DCP1B: variants seen among roughly 807,000 people sequenced by gnomAD.
DCP1B encodes mRNA-decapping enzyme 1B.
Under a neutral mutation model 60.5 loss-of-function variants are expected in DCP1B, and 47 were observed. That is an observed-to-expected ratio of 0.78 (90% confidence interval 0.61 to 0.99). DCP1B has a LOEUF of 0.99. Ranked by LOEUF, DCP1B falls within the 50% of genes least tolerant of loss-of-function variation. The probability of loss-of-function intolerance (pLI) is 0.00; values close to 1 mark genes in which losing one functional copy is unlikely to be tolerated. For synonymous variants in DCP1B, 267 were observed against 280.3 expected (o/e 0.95, Z 0.47); for missense variants, 725 against 756.8 (o/e 0.96, Z 0.49).
rs750629227 is a variant in DCP1B, at chr12:2,004,353, A to C, written c.79T>G (p.Tyr27Asp). The C allele has an allele frequency of 5.6e-6, 9 of 1,613,306 alleles. No individual in the cohort carries two copies. The highest frequency in any genetic ancestry group is 7.6e-6 in the Non-Finnish European group (9 of 1,179,932). Residue 27 changes from tyrosine (Y) to aspartate (D), a missense_variant, in exon 1 of 9, where the codon TAT becomes GAT. Coordinates refer to ENST00000280665, the MANE Select transcript of DCP1B (RefSeq NM_152640.5). Reference sequence around the variant, plus strand: ...GCCACGTCCACGATGCGGTTGATATAGGGGTCGTGGCGCTGCAGGGCCGCT... The same window carrying C: ...GCCACGTCCACGATGCGGTTGATATCGGGGTCGTGGCGCTGCAGGGCCGCT... ...SLAALQRHDPYINRIVDVASQ... is the reference protein window; with the variant it reads ...SLAALQRHDPDINRIVDVASQ...
chr12:1,946,586 T>A (rs1423707967), intron 8 of DCP1B, among the ~76,000 whole-genome samples: 2 of 152,184 alleles, frequency 1.3e-5, no homozygotes, highest in Admixed American at 1.3e-4. Flanking sequence ...ACAGCCTGGG[T>A]CTGCTGCATG....
chr12:1,959,959 C>CA (rs34121456), intron 5 of DCP1B, among the ~76,000 whole-genome samples: 5,831 of 125,624 alleles, frequency 0.046, 117 homozygotes, highest in South Asian at 0.076. Flanking sequence ...GACTCCGTCT[C>CA]AAAAAAAAAA....
At chr12:1,996,928 C>T (rs1307427425) in intron 2 of DCP1B, among the ~76,000 whole-genome samples, 1 of 152,028 alleles carries the variant, frequency 6.6e-6, no homozygotes, top group Non-Finnish European at 1.5e-5. Flanking sequence ...AAACAGATAC[C>T]CCTAGAAAGG....
intron 3 of DCP1B, among the ~76,000 whole-genome samples, chr12:1,972,367 G>C (rs946548504): frequency 2.0e-5 from 3 of 152,082 alleles, no homozygotes; most frequent in African/African-American, 7.2e-5. Flanking sequence ...ATTTACTATA[G>C]CATTTATCTA....
intron 3 of DCP1B, among the ~76,000 whole-genome samples, chr12:1,990,087 TTAAGG>T (rs1310043591): frequency 6.6e-6 from 1 of 152,246 alleles, no homozygotes; most frequent in Non-Finnish European, 1.5e-5. Flanking sequence ...GGTCTCGAAG[TTAAGG>T]TTTCTTGGTT....
chr12:1,998,054 T>C (rs2041351576), intron 1 of DCP1B, 79 bp from the exon 2 acceptor site: 5 of 1,314,924 alleles, frequency 3.8e-6, no homozygotes, highest in Non-Finnish European at 5.3e-6. Context: ...TCTCATAGAA[T>C]AGGAATTATA....
rs2031388342 is a variant in DCP1B at position 1,967,881 on chromosome 12, TATC to T, written c.346_348del (p.Asp116del). 2 of 1,613,154 alleles carry T rather than the reference TATC, an allele frequency of 1.2e-6. No individual in the cohort carries two copies. The highest frequency in any genetic ancestry group is 1.7e-6 in the Non-Finnish European group (2 of 1,179,762). On this transcript the variant is annotated inframe_deletion, in exon 4 of 9. Coordinates refer to ENST00000280665, the MANE Select transcript of DCP1B (RefSeq NM_152640.5). ...TCTGCAATTCTTTGGCATTCTTCCTTATCATAAAACCAAATTCCATAGATGGAC... is the reference window on the plus strand; with the variant it reads ...TCTGCAATTCTTTGGCATTCTTCCTTATAAAACCAAATTCCATAGATGGAC...
At chr12:1,991,897 C>T in intron 3 of DCP1B, 1 of 162,994 alleles carries the variant, frequency 6.1e-6, no homozygotes, top group Non-Finnish European at 1.3e-5. Flanking sequence ...ATAAAAGCAA[C>T]CAAAAGTGAT....
chr12:2,000,759 G>A (rs939069894), intron 1 of DCP1B, among the ~76,000 whole-genome samples: 11 of 152,132 alleles, frequency 7.2e-5, no homozygotes, highest in Non-Finnish European at 1.5e-4. Flanking sequence ...TAACCAGGCC[G>A]GGCACAGGGG....
chr12:1,956,404 C>T (rs1196932340), intron 5 of DCP1B, among the ~76,000 whole-genome samples: 1 of 152,166 alleles, frequency 6.6e-6, no homozygotes, highest in Admixed American at 6.5e-5. Context: ...ATATTCCACA[C>T]CTGACATGAA....
chr12:1,958,437 CA>C (rs35216706), intron 5 of DCP1B, among the ~76,000 whole-genome samples: 4 of 95,394 alleles, frequency 4.2e-5, no homozygotes, highest in Admixed American at 2.0e-4. Flanking sequence ...TGGAAGGAAA[CA>C]GGGGAAAAGC....
intron 1 of DCP1B, among the ~76,000 whole-genome samples, chr12:2,000,085 C>T (rs4765873): frequency 0.09 from 13,738 of 152,154 alleles, 1,015 homozygotes; most frequent in East Asian, 0.41. Flanking sequence ...GAAAATGGCC[C>T]CTACAGTACA....
chr12:1,958,109 A>C (rs904074466), intron 5 of DCP1B, among the ~76,000 whole-genome samples: 1 of 150,762 alleles, frequency 6.6e-6, no homozygotes, highest in African/African-American at 2.4e-5. Flanking sequence ...TCCTGGAAGG[A>C]AACAGGGGAA....
At chr12:1,955,609 G>A in intron 5 of DCP1B, 49 bp from the exon 6 acceptor site, 1 of 1,567,966 alleles carries the variant, frequency 6.4e-7, no homozygotes, top group South Asian at 1.2e-5. Context: ...AAAAGCTTTA[G>A]TCTTTTTAAA....
intron 7 of DCP1B, among the ~76,000 whole-genome samples, chr12:1,949,782 C>T (rs779304657): frequency 2.6e-5 from 4 of 152,222 alleles, no homozygotes; most frequent in Non-Finnish European, 4.4e-5. Flanking sequence ...GCCCCTCCTG[C>T]GGCCTCACTC....
intron 3 of DCP1B, among the ~76,000 whole-genome samples, chr12:1,977,798 G>T (rs1455471117): frequency 1.3e-5 from 2 of 152,024 alleles, no homozygotes; most frequent in Non-Finnish European, 2.9e-5. Flanking sequence ...ACTCATCATT[G>T]TTCTCTAAAT....
intron 3 of DCP1B, among the ~76,000 whole-genome samples, chr12:1,983,032 A>T (rs1593048554): frequency 6.6e-6 from 1 of 151,736 alleles, no homozygotes; most frequent in East Asian, 1.9e-4. Flanking sequence ...AGTCCATTTC[A>T]TCTAAGTTGC....
chr12:2,002,914 AAAAC>A (rs1223731098), intron 1 of DCP1B, among the ~76,000 whole-genome samples: 9 of 152,256 alleles, frequency 5.9e-5, no homozygotes, highest in South Asian at 2.1e-4. Flanking sequence ...CAAACAAACA[AAAAC>A]AAACAAAAAA....
At chr12:1,993,666 GTTGT>G (rs1187171548) in intron 2 of DCP1B, among the ~76,000 whole-genome samples, 1 of 145,348 alleles carries the variant, frequency 6.9e-6, no homozygotes, top group East Asian at 2.0e-4. Context: ...GTATACAGAT[GTTGT>G]TTATTTCTTA....
Sources: gnomAD v4.1 joint callset for allele counts (sites outside exome capture counted in the v4.1 genomes callset) on GRCh38, gnomAD v4.1.1 for gene constraint, MANE v1.5 for transcripts, NCBI Gene and HGNC (gene_info 2026-07-23, HGNC 2026-07-21) for gene names.